The following RIC8B variants were observed in gnomAD, a reference collection of about 807,000 sequenced individuals.
RIC8B encodes chaperone Ric-8B.
In RIC8B, 16 loss-of-function variants were observed where a neutral mutation model predicts 57.5. The observed-to-expected ratio is 0.28, with a 90% CI of 0.19 to 0.42. The LOEUF (loss-of-function observed/expected upper bound fraction) is 0.42. RIC8B is among the 10% of genes least tolerant of loss of function. RIC8B has a pLI of 1.00. For missense variants in RIC8B, 481 were observed against 677.0 expected, an observed-to-expected ratio of 0.71 and a Z score of 3.21; for synonymous variants, 216 against 250.8, an observed-to-expected ratio of 0.86 and a Z score of 1.31.
intron 7 of RIC8B, among the ~76,000 whole-genome samples, chr12:106,856,509 G>A (rs548533631): frequency 1.3e-5 from 2 of 152,132 alleles, no homozygotes; most frequent in Non-Finnish European, 2.9e-5. Context: ...TGTGAGGAAT[G>A]CTCTTCCTCA....
chr12:106,876,725 C>G (rs1042159695), intron 9 of RIC8B, among the ~76,000 whole-genome samples: 1 of 152,096 alleles, frequency 6.6e-6, no homozygotes, highest in Non-Finnish European at 1.5e-5. Context: ...TTAAAGTACT[C>G]TCTGAAATGG....
intron 7 of RIC8B, among the ~76,000 whole-genome samples, chr12:106,856,815 A>G (rs1176280332): frequency 1.3e-5 from 2 of 152,182 alleles, no homozygotes; most frequent in African/African-American, 2.4e-5. Flanking sequence ...TGTGCTCTCT[A>G]TAAATTCAGG....
chr12:106,835,570 A>G (rs1250711731), intron 4 of RIC8B, among the ~76,000 whole-genome samples: 1 of 152,228 alleles, frequency 6.6e-6, no homozygotes, highest in Non-Finnish European at 1.5e-5. Context: ...GAGGTTGTAT[A>G]ATTTGCCTAA....
At chr12:106,803,890 G>A (rs1282421997) in intron 2 of RIC8B, among the ~76,000 whole-genome samples, 2 of 152,104 alleles carry the variant, frequency 1.3e-5, no homozygotes, top group Non-Finnish European at 2.9e-5. Context: ...AGCTCTTACT[G>A]TGTACCATCA....
intron 9 of RIC8B, among the ~76,000 whole-genome samples, chr12:106,876,625 T>G (rs919072358): frequency 3.3e-5 from 5 of 152,136 alleles, no homozygotes; most frequent in African/African-American, 9.6e-5. Flanking sequence ...CTAGACACCT[T>G]TAAGTAGGAC....
chr12:106,785,335 G>A (rs1387088053), intron 2 of RIC8B, among the ~76,000 whole-genome samples: 2 of 152,064 alleles, frequency 1.3e-5, no homozygotes, highest in East Asian at 1.9e-4. Flanking sequence ...CTCACCTGGT[G>A]AATCCCTACT....
chr12:106,882,726 G>A (rs1330641664), intron 9 of RIC8B, among the ~76,000 whole-genome samples: 1 of 152,084 alleles, frequency 6.6e-6, no homozygotes, highest in Admixed American at 6.6e-5. Flanking sequence ...TGTATGGCCA[G>A]TGTTCACTGA....
intron 2 of RIC8B, among the ~76,000 whole-genome samples, chr12:106,803,669 T>G (rs2136237962): frequency 6.6e-6 from 1 of 152,370 alleles, no homozygotes; most frequent in Non-Finnish European, 1.5e-5. Flanking sequence ...AATTAATCTA[T>G]TCATCTTTAT....
chr12:106,886,701 T>C lies in RIC8B; in HGVS notation c.*686T>C, dbSNP rs1047900083. On this transcript the variant is annotated 3_prime_UTR_variant, in exon 10 of 10. Transcript: ENST00000392837. ...CTACAAATGCCTATTTATTCCCTAA[T>C]GTACCTGAACACTAGTACCATAGAA... The C allele has an allele frequency of 6.5e-6, 1 of 152,684 alleles. No individual in the cohort carries two copies. The highest frequency in any genetic ancestry group is 1.5e-5 in the Non-Finnish European group (1 of 68,072). 9.5% of individuals were successfully genotyped at this position (152,684 alleles called of 1,614,324 possible).
chr12:106,812,620 T>C (rs1488062652), intron 2 of RIC8B, among the ~76,000 whole-genome samples: 1 of 152,126 alleles, frequency 6.6e-6, no homozygotes, highest in East Asian at 1.9e-4. Context: ...TTGAATAAAA[T>C]TGTGTGGAAA....
Position 106,843,900 on chromosome 12 carries a change from G to A in RIC8B, c.1114G>A (p.Glu372Lys), listed in dbSNP as rs373445717. Residue 372 changes from glutamate (E) to lysine (K), a missense_variant, in exon 6 of 10, where the codon GAA becomes AAA. Physicochemically the swap from Glu to Lys is moderately conservative, Grantham distance 56. Around this residue, in one of 3 missense-constraint regions of RIC8B, gnomAD observed 421 missense variants for 560.9 expected, o/e 0.75. Coordinates refer to ENST00000392837, the MANE Select transcript of RIC8B (RefSeq NM_001330145.2). ...AACTCCAGTTCTCAGCTTATTAACC[G>A]AATGTTCCCGAGCCCATCGAAACAT... Reference protein sequence around the residue: ...GLTPVLSLLTECSRAHRNIRK... With the variant: ...GLTPVLSLLTKCSRAHRNIRK... The A allele has an allele frequency of 1.9e-5, 31 of 1,613,394 alleles. No homozygotes were observed. Among genetic ancestry groups the A allele is most frequent in the South Asian group, 4.4e-5 (4 of 91,056 alleles).
chr12:106,870,461 TTTC>T (rs1950354642), intron 8 of RIC8B, among the ~76,000 whole-genome samples: 1 of 152,192 alleles, frequency 6.6e-6, no homozygotes, highest in African/African-American at 2.4e-5. Context: ...GATTTCCTCA[TTTC>T]TTCTTCCCTG....
intron 8 of RIC8B, among the ~76,000 whole-genome samples, chr12:106,868,931 T>C (rs1466243930): frequency 6.7e-6 from 1 of 149,208 alleles, no homozygotes; most frequent in East Asian, 2.0e-4. Flanking sequence ...GTGATTCTAA[T>C]GTACAGCCAA....
At chr12:106,854,680 G>C (rs1033775867) in intron 7 of RIC8B, among the ~76,000 whole-genome samples, 3 of 152,066 alleles carry the variant, frequency 2.0e-5, no homozygotes, top group Admixed American at 6.6e-5. Context: ...AATCCCAGCT[G>C]CTCAGGAGGC....
At chr12:106,825,690 AC>A in intron 3 of RIC8B, 35 bp from the exon 4 acceptor site, 1 of 1,527,120 alleles carries the variant, frequency 6.5e-7, no homozygotes, top group Non-Finnish European at 9.1e-7. Flanking sequence ...CAGGCATTCA[AC>A]CCCCAATGTT....
intron 4 of RIC8B, among the ~76,000 whole-genome samples, chr12:106,837,465 A>G (rs1027109521): frequency 6.6e-6 from 1 of 152,130 alleles, no homozygotes; most frequent in Non-Finnish European, 1.5e-5. Flanking sequence ...CTTTAAAAAA[A>G]TTTTATTTAC....
At chr12:106,774,852 G>GTGC in intron 1 of RIC8B, 23 bp downstream of exon 1, 1 of 1,534,208 alleles carries the variant, frequency 6.5e-7, no homozygotes, top group East Asian at 2.5e-5. Context: ...GGCCCCGGGC[G>GTGC]TGCGGTATCG....
chr12:106,832,180 C>A (rs2046380038), intron 4 of RIC8B, among the ~76,000 whole-genome samples: 1 of 152,142 alleles, frequency 6.6e-6, no homozygotes, highest in African/African-American at 2.4e-5. Context: ...CCTGCCACCA[C>A]ACACACACAT....
At chr12:106,800,393 C>G (rs898163653) in intron 2 of RIC8B, among the ~76,000 whole-genome samples, 1 of 152,002 alleles carries the variant, frequency 6.6e-6, no homozygotes, top group Middle Eastern at 3.2e-3. Context: ...CACTTTTAAA[C>G]AGCCAGATCT....
Sources: allele counts gnomAD v4.1 joint callset (sites outside exome capture counted in the v4.1 genomes callset), GRCh38; gene constraint gnomAD v4.1.1; regional missense constraint gnomAD v4.1.1; transcripts MANE v1.5; gene names NCBI Gene and HGNC (gene_info 2026-07-23, HGNC 2026-07-21).